AATK: variants seen among roughly 807,000 people sequenced by gnomAD.
AATK encodes the protein lemur tail kinase 1.
AATK carries 91 observed loss-of-function variants against 114.3 expected under a neutral mutation model. The ratio of observed to expected loss-of-function variants is 0.80; its 90% CI spans 0.67 to 0.95. AATK has a LOEUF of 0.95. Ranked by LOEUF, AATK falls within the 40% of genes least tolerant of loss-of-function variation. The probability of loss-of-function intolerance (pLI) is 0.00; values close to 1 mark genes in which losing one functional copy is unlikely to be tolerated. For missense variants in AATK, 2,176 were observed against 1,965.2 expected (o/e 1.11, Z -2.03); for synonymous variants, 1,075 against 916.5 (o/e 1.17, Z -3.12).
intron 12 of AATK, 88 bp from the exon 13 acceptor site, chr17:81,119,668 C>A: frequency 3.2e-6 from 2 of 618,368 alleles, no homozygotes; most frequent in South Asian, 6.3e-5. Flanking sequence ...CAGGCCCCGC[C>A]TCCCATCATG....
chr17:81,136,925 C>A (rs2061019028), intron 1 of AATK, among the ~76,000 whole-genome samples: 1 of 152,110 alleles, frequency 6.6e-6, no homozygotes, highest in African/African-American at 2.4e-5. Context: ...AGGGTCAGAG[C>A]GGCTGTCCGA....
chr17:81,117,376 C>CACAAA lies in AATK; in HGVS notation c.*1021_*1025dup, dbSNP rs1290716145. 2.6e-5 allele frequency: 4 copies of CACAAA among 152,294 alleles called. No individual in the cohort carries two copies. The highest frequency in any genetic ancestry group is 2.0e-4 in the Admixed American group (3 of 15,288). 9.4% of individuals were successfully genotyped at this position (152,294 alleles called of 1,614,324 possible). A position where few individuals can be genotyped will look rare whatever the true frequency, so the allele number is the denominator to read the frequency against. Reference sequence around the variant, plus strand: ...CCAGCGTTCTAAGCCTCAAACAAAACACAAAACAAATCCCCCTGCGAAGCA... The same window carrying CACAAA: ...CCAGCGTTCTAAGCCTCAAACAAAACACAAAACAAAACAAATCCCCCTGCGAAGCA... On this transcript the variant is annotated 3_prime_UTR_variant, in exon 14 of 14. Coordinates refer to ENST00000326724, the MANE Select transcript of AATK (RefSeq NM_001080395.3).
chr17:81,119,245 CGGGGCCGGGA>C, intron 13 of AATK, 125 bp downstream of exon 13: 1 of 223,000 alleles, frequency 4.5e-6, no homozygotes, highest in Non-Finnish European at 6.6e-6. Context: ...CGGGAAGGAG[CGGGGCCGGGA>C]AGGAGCGGAG....
chr17:81,156,079 TTACAA>T (rs2061358094), intron 1 of AATK, among the ~76,000 whole-genome samples: 1 of 140,828 alleles, frequency 7.1e-6, no homozygotes, highest in African/African-American at 3.1e-5. Context: ...TGTTACTATG[TTACAA>T]TGTATGTTAC....
chr17:81,124,637 T>A (rs994396850), intron 9 of AATK, 90 bp downstream of exon 9: 3 of 1,560,866 alleles, frequency 1.9e-6, no homozygotes, highest in Admixed American at 1.7e-5. Context: ...GGCAGCCCCC[T>A]GACCTCACTA....
chr17:81,121,475 C>T lies in AATK; in HGVS notation c.2461G>A (p.Asp821Asn), dbSNP rs1303178450. 1 of 1,575,190 alleles carries T rather than the reference C, an allele frequency of 6.3e-7. No individual in the cohort carries two copies. Among genetic ancestry groups the T allele is most frequent in the South Asian group, 1.2e-5 (1 of 85,532 alleles). ...GGCGTGGGAGAGTCAGGCAGGGCAT[C>T]AGGGGCGTCGGGGGCACTGGCCTCC... ...SEEASAPDAP[D>N]ALPDSPTPAT... Residue 821 changes from aspartate to asparagine, a missense_variant, in exon 11 of 14, where the codon GAT (aspartate) becomes AAT (asparagine). Around this residue, in one of 4 missense-constraint regions of AATK, gnomAD observed 1,701 missense variants for 1,394.7 expected, o/e 1.22. Transcript: ENST00000326724.
Position 81,121,633 on chromosome 17 carries a change from G to T in AATK, c.2303C>A (p.Thr768Lys). Residue 768 changes from threonine to lysine, a missense_variant, in exon 11 of 14, where the codon ACA becomes AAA. Physicochemically the swap from Thr to Lys is moderately conservative, Grantham distance 78 (BLOSUM62 -1). Around this residue, in one of 4 missense-constraint regions of AATK, gnomAD observed 1,701 missense variants for 1,394.7 expected, o/e 1.22. Transcript: ENST00000326724. ...PCLVTPSWTE[T>K]ASSGGDHPQA... ...CGGGTGGTCACCCCCACTACTGGCT[G>T]TCTCTGTCCAGGAGGGTGTAACCAG... 2 of 1,493,012 alleles carry T rather than the reference G, an allele frequency of 1.3e-6. No homozygotes were observed. 92.5% of individuals were successfully genotyped at this position (1,493,012 alleles called of 1,614,324 possible).
intron 1 of AATK, chr17:81,135,971 G>T (rs1387432211): frequency 2.6e-5 from 4 of 152,312 alleles, no homozygotes; most frequent in African/African-American, 9.7e-5. Context: ...AGGATGTGCG[G>T]GCGTGCGTGT....
intron 1 of AATK, among the ~76,000 whole-genome samples, chr17:81,138,887 G>T (rs959586520): frequency 6.7e-6 from 1 of 149,724 alleles, no homozygotes. Context: ...ACCCATACAC[G>T]CACACACATA....
chr17:81,164,231 C>T (rs2061458997), intron 1 of AATK, among the ~76,000 whole-genome samples: 1 of 152,250 alleles, frequency 6.6e-6, no homozygotes, highest in South Asian at 2.1e-4. Context: ...CACAGGACAG[C>T]CAGGCTTGGA....
chr17:81,158,394 G>C (rs1314853138), intron 1 of AATK, among the ~76,000 whole-genome samples: 1 of 152,228 alleles, frequency 6.6e-6, no homozygotes. Flanking sequence ...GCGGTGTGCT[G>C]GTCAGTGTCT....
At chr17:81,160,035 G>C (rs1197076667) in intron 1 of AATK, among the ~76,000 whole-genome samples, 3 of 152,272 alleles carry the variant, frequency 2.0e-5, no homozygotes, top group African/African-American at 7.2e-5. Flanking sequence ...CCTGGCTCGG[G>C]GTAGCATCCT....
At chr17:81,140,918 C>G (rs1256102100) in intron 1 of AATK, among the ~76,000 whole-genome samples, 1 of 86,296 alleles carries the variant, frequency 1.2e-5, no homozygotes, top group East Asian at 2.8e-4. Context: ...GCCGTGGGGC[C>G]GTGGGACCGT....
intron 1 of AATK, chr17:81,165,702 C>T (rs1352836242): frequency 2.0e-6 from 3 of 1,518,050 alleles, no homozygotes; most frequent in East Asian, 2.5e-5. Context: ...GAGGCAGCCA[C>T]GGAGTCACGA....
chr17:81,121,426 G>A lies in AATK; in HGVS notation c.2510C>T (p.Ala837Val), dbSNP rs372570290. 38 of 1,604,466 alleles carry A rather than the reference G, an allele frequency of 2.4e-5. No individual in the cohort carries two copies. Among genetic ancestry groups the A allele is most frequent in the Non-Finnish European group, 2.8e-5 (33 of 1,176,084 alleles). Reference protein sequence around the residue: ...PTPATGGEVSAIKLASALNGS... With the variant: ...PTPATGGEVSVIKLASALNGS... ...ATTCAGGGCAGAAGCCAGCTTGATG[G>A]CAGACACCTCGCCACCAGTAGCAGG... The change falls in exon 11 of 14, where the codon GCC becomes GTC. Residue 837 changes from alanine to valine, a missense_variant. Ala to Val is a moderately conservative substitution (Grantham distance 64, BLOSUM62 0). Coordinates refer to ENST00000326724, the MANE Select transcript of AATK (RefSeq NM_001080395.3).
chr17:81,132,714 G>A (rs1199050017), intron 2 of AATK: 2 of 313,870 alleles, frequency 6.4e-6, no homozygotes, highest in Non-Finnish European at 6.6e-6. Context: ...GTAGCACAGG[G>A]TCAGCATTGG....
chr17:81,123,124 C>T (rs142159571), intron 10 of AATK, 70 bp downstream of exon 10: 24 of 1,367,464 alleles, frequency 1.8e-5, no homozygotes, highest in Middle Eastern at 4.5e-4. Context: ...CAGGGTGAGC[C>T]GCCTCTGCCT....
intron 1 of AATK, among the ~76,000 whole-genome samples, chr17:81,163,329 T>G (rs572842088): frequency 6.6e-6 from 1 of 152,122 alleles, no homozygotes; most frequent in East Asian, 1.9e-4. Context: ...GGCACTCAGG[T>G]AGAAGGGGTG....
chr17:81,142,673 T>C (rs1197471119), intron 1 of AATK, among the ~76,000 whole-genome samples: 1 of 152,036 alleles, frequency 6.6e-6, no homozygotes, highest in Admixed American at 6.6e-5. Context: ...GTGCTTGGGG[T>C]GGAGACACCC....
Sources: allele counts gnomAD v4.1 joint callset (sites outside exome capture counted in the v4.1 genomes callset), GRCh38; gene constraint gnomAD v4.1.1; regional missense constraint gnomAD v4.1.1; transcripts MANE v1.5; gene names NCBI Gene and HGNC (gene_info 2026-07-23, HGNC 2026-07-21).